Variants in KCTD16 observed in about 807,000 individuals in gnomAD.
The protein encoded by KCTD16 is potassium channel tetramerization domain containing 16.
In KCTD16, 13 loss-of-function variants were observed where a neutral mutation model predicts 33.2. That is an observed-to-expected ratio of 0.39 (90% CI 0.25 to 0.62). The LOEUF is 0.62. KCTD16 is among the 20% of genes least tolerant of loss of function. KCTD16 has a pLI of 0.50. For missense variants in KCTD16, 441 were observed against 525.1 expected (o/e 0.84, Z 1.57); for synonymous variants, 197 against 195.3 (o/e 1.01, Z -0.07).
intron 3 of KCTD16, among the ~76,000 whole-genome samples, chr5:144,284,718 A>G (rs1301424431): frequency 1.3e-5 from 2 of 152,244 alleles, no homozygotes; most frequent in African/African-American, 4.8e-5. Context: ...GATGAAAAGT[A>G]TATCAGATCC....
intron 2 of KCTD16, among the ~76,000 whole-genome samples, chr5:144,178,253 T>G (rs535966352): frequency 2.0e-5 from 3 of 152,316 alleles, no homozygotes; most frequent in African/African-American, 7.2e-5. Context: ...TTTTTTTCAC[T>G]CGTGATGATT....
intron 3 of KCTD16, among the ~76,000 whole-genome samples, chr5:144,398,614 C>G (rs1041512399): frequency 1.3e-5 from 2 of 151,928 alleles, no homozygotes; most frequent in Non-Finnish European, 2.9e-5. Context: ...AGTTTTGAAG[C>G]TTGGCTACAT....
chr5:144,208,082 C>G (rs918904613), intron 3 of KCTD16, among the ~76,000 whole-genome samples: 1 of 152,218 alleles, frequency 6.6e-6, no homozygotes, highest in Non-Finnish European at 1.5e-5. Context: ...CTGCTCCCCC[C>G]AAGTCTAAAT....
chr5:144,184,860 T>A (rs1014443118), intron 2 of KCTD16, among the ~76,000 whole-genome samples: 4 of 151,990 alleles, frequency 2.6e-5, no homozygotes, highest in Admixed American at 1.3e-4. Flanking sequence ...AAGAGGTGCA[T>A]TTAATTAATC....
chr5:144,399,536 C>T (rs1286498331), intron 3 of KCTD16, among the ~76,000 whole-genome samples: 1 of 151,956 alleles, frequency 6.6e-6, no homozygotes, highest in Non-Finnish European at 1.5e-5. Flanking sequence ...GAATTGCAAC[C>T]ATTTGATTAG....
intron 3 of KCTD16, among the ~76,000 whole-genome samples, chr5:144,465,999 T>A (rs1754323141): frequency 6.6e-6 from 1 of 151,786 alleles, no homozygotes; most frequent in Non-Finnish European, 1.5e-5. Context: ...CCACCATGCC[T>A]GGCTAATTTT....
chr5:144,433,954 T>C (rs1753522891), intron 3 of KCTD16, among the ~76,000 whole-genome samples: 1 of 152,194 alleles, frequency 6.6e-6, no homozygotes, highest in African/African-American at 2.4e-5. Context: ...CCACTGATTA[T>C]GCTGGCCCAG....
intron 3 of KCTD16, among the ~76,000 whole-genome samples, chr5:144,243,260 G>T (rs1004601435): frequency 3.8e-4 from 58 of 152,266 alleles, no homozygotes; most frequent in Middle Eastern, 6.8e-3. Flanking sequence ...GATAGTGGCT[G>T]TCATGTTTCT....
intron 3 of KCTD16, among the ~76,000 whole-genome samples, chr5:144,357,633 T>G (rs1243665676): frequency 6.6e-6 from 1 of 152,154 alleles, no homozygotes; most frequent in Non-Finnish European, 1.5e-5. Flanking sequence ...CAATAACTGA[T>G]GAATAGAAGA....
intron 3 of KCTD16, among the ~76,000 whole-genome samples, chr5:144,313,547 A>T (rs1211113185): frequency 5.9e-5 from 9 of 152,204 alleles, no homozygotes; most frequent in Admixed American, 3.3e-4. Context: ...CAATTTTTTT[A>T]AAACTGTGAG....
chr5:144,182,152 C>T (rs565175286), intron 2 of KCTD16, among the ~76,000 whole-genome samples: 40 of 151,484 alleles, frequency 2.6e-4, no homozygotes, highest in Admixed American at 9.2e-4. Context: ...ATGCTGTTAT[C>T]GCAGGATTAT....
intron 3 of KCTD16, among the ~76,000 whole-genome samples, chr5:144,272,572 A>G (rs1755328688): frequency 6.6e-6 from 1 of 152,238 alleles, no homozygotes; most frequent in South Asian, 2.1e-4. Flanking sequence ...AAAATTTACT[A>G]CAAAGCTACA....
chr5:144,448,774 C>A (rs2112321), intron 3 of KCTD16, among the ~76,000 whole-genome samples: 1 of 152,010 alleles, frequency 6.6e-6, no homozygotes, highest in Non-Finnish European at 1.5e-5. Context: ...TCTCTTTTTC[C>A]TAATGCTTCC....
intron 3 of KCTD16, among the ~76,000 whole-genome samples, chr5:144,238,198 G>C (rs1009670653): frequency 2.6e-5 from 4 of 152,160 alleles, no homozygotes; most frequent in Non-Finnish European, 5.9e-5. Flanking sequence ...GGAGGTAAGA[G>C]CAAATATCAA....
chr5:144,404,081 C>T (rs1752761428), intron 3 of KCTD16, among the ~76,000 whole-genome samples: 1 of 152,156 alleles, frequency 6.6e-6, no homozygotes, highest in Non-Finnish European at 1.5e-5. Context: ...ACACAGCACT[C>T]TCACACCCAA....
intron 3 of KCTD16, among the ~76,000 whole-genome samples, chr5:144,315,722 G>C (rs1383644847): frequency 2.6e-5 from 4 of 152,034 alleles, no homozygotes; most frequent in Non-Finnish European, 5.9e-5. Flanking sequence ...CAGGTAGTAA[G>C]TAGAAAAACT....
At chr5:144,280,650 C>A (rs752996830) in intron 3 of KCTD16, among the ~76,000 whole-genome samples, 2 of 152,182 alleles carry the variant, frequency 1.3e-5, no homozygotes, top group Non-Finnish European at 2.9e-5. Context: ...TCCGGCTGGG[C>A]GCAGTGGCTC....
At chr5:144,342,753 A>G (rs1380189617) in intron 3 of KCTD16, among the ~76,000 whole-genome samples, 5 of 152,182 alleles carry the variant, frequency 3.3e-5, no homozygotes, top group Non-Finnish European at 7.3e-5. Context: ...GATATGTCCC[A>G]TCAATACCTA....
At chr5:144,296,898 A>T (rs900275162) in intron 3 of KCTD16, among the ~76,000 whole-genome samples, 4 of 152,252 alleles carry the variant, frequency 2.6e-5, no homozygotes, top group Admixed American at 6.5e-5. Context: ...GAAAATCTAC[A>T]TATGTGAATA....
Sources: allele counts gnomAD v4.1 joint callset (sites outside exome capture counted in the v4.1 genomes callset), GRCh38; gene constraint gnomAD v4.1.1; transcripts MANE v1.5; gene names NCBI Gene and HGNC (gene_info 2026-07-23, HGNC 2026-07-21).